Variants in GATB observed in about 807,000 individuals in gnomAD.
The protein encoded by GATB is glutamyl-tRNA(Gln) amidotransferase subunit B, mitochondrial.
Under a neutral mutation model 62.3 loss-of-function variants are expected in GATB, and 39 were observed. That is an observed-to-expected ratio of 0.63 (90% CI 0.48 to 0.82). The LOEUF (loss-of-function observed/expected upper bound fraction) is 0.82, where lower values mean the gene tolerates loss of function less well. GATB is among the 40% of genes least tolerant of loss of function. The pLI is 0.00. For missense variants in GATB, 670 were observed against 684.0 expected (o/e 0.98, Z 0.23); for synonymous variants, 276 against 258.9 (o/e 1.07, Z -0.63).
chr4:151,724,635 C>A (rs972613516), intron 2 of GATB, among the ~76,000 whole-genome samples: 2 of 152,044 alleles, frequency 1.3e-5, no homozygotes, highest in African/African-American at 4.8e-5. Context: ...GCTGCTTCTG[C>A]TGGGAATGCC....
At chr4:151,705,834 C>CT (rs907043718) in intron 6 of GATB, among the ~76,000 whole-genome samples, 6 of 151,440 alleles carry the variant, frequency 4.0e-5, no homozygotes, top group East Asian at 1.9e-4. Context: ...GCTGTTGCTG[C>CT]TTTTTTTTTC....
At chr4:151,682,323 C>T (rs6838966) in intron 10 of GATB, among the ~76,000 whole-genome samples, 90,743 of 151,966 alleles carry the variant, frequency 0.6, 29,634 homozygotes, top group African/African-American at 0.88. Context: ...TTGAGTCAGA[C>T]GATGACAAAG....
At chr4:151,716,251 T>A in intron 4 of GATB, 120 bp from the exon 5 acceptor site, 6 of 858,894 alleles carry the variant, frequency 7.0e-6, no homozygotes, top group Non-Finnish European at 9.9e-6. Context: ...GGTTCTAGCC[T>A]CTCAATCATT....
At chr4:151,683,926 C>T (rs1738195282) in intron 10 of GATB, among the ~76,000 whole-genome samples, 1 of 152,212 alleles carries the variant, frequency 6.6e-6, no homozygotes, top group African/African-American at 2.4e-5. Flanking sequence ...CTTTATTCAT[C>T]ACCTACTCCC....
intron 1 of GATB, 93 bp from the exon 2 acceptor site, chr4:151,759,015 TG>T: frequency 2.3e-6 from 2 of 871,808 alleles, no homozygotes; most frequent in Non-Finnish European, 3.4e-6. Context: ...ATTTCCTATA[TG>T]TGTTTTAAAC....
chr4:151,735,736 G>GTATATATATATATA (rs137893198), intron 2 of GATB, among the ~76,000 whole-genome samples: 2 of 104,064 alleles, frequency 1.9e-5, no homozygotes, highest in African/African-American at 8.6e-5. Flanking sequence ...AAACTGTGGT[G>GTATATATATATATA]TATATATATA....
Position 151,696,164 on chromosome 4 carries a change from A to G in GATB, c.1197+5165T>C, listed in dbSNP as rs115229204. ...TAAATAAAGCTGCAGAGGACGGCTT[A>G]TATTACTTTTCTTCTAACTTTATTT... On this transcript the variant is annotated intron_variant, in intron 9 of 12. Transcript: ENST00000263985. Among the ~76,000 whole-genome samples the G allele has an allele frequency of 9.3e-3, 1,413 of 152,284 alleles. 11 individuals are homozygous for G. Among genetic ancestry groups the G allele is most frequent in the Non-Finnish European group, 0.013 (900 of 68,016 alleles).
intron 1 of GATB, among the ~76,000 whole-genome samples, chr4:151,759,766 T>C (rs1195669409): frequency 6.6e-6 from 1 of 152,088 alleles, no homozygotes; most frequent in Non-Finnish European, 1.5e-5. Flanking sequence ...ATCCTGCTCT[T>C]CTCCCAAGTA....
intron 2 of GATB, among the ~76,000 whole-genome samples, chr4:151,726,743 G>A (rs554540879): frequency 6.6e-6 from 1 of 152,220 alleles, no homozygotes; most frequent in African/African-American, 2.4e-5. Flanking sequence ...TTCCCCAGGG[G>A]TGGTCAGGAG....
At position 151,729,692 on chromosome 4, in the gene GATB, A is replaced by C. The variant is rs535061261; in HGVS notation, c.328-10154T>G. Among the ~76,000 whole-genome samples the C allele has an allele frequency of 6.6e-5, 10 of 152,298 alleles. No homozygotes were observed. The South Asian group carries it at 1.9e-3, about 28-fold the overall frequency. ...TTCTTTCAACTTTTCTGTAAGTTTTAATTTTTTCAAAACAAAAAATGTTGA... is the reference window on the plus strand; with the variant it reads ...TTCTTTCAACTTTTCTGTAAGTTTTCATTTTTTCAAAACAAAAAATGTTGA... On this transcript the variant is annotated intron_variant, in intron 2 of 12. Coordinates refer to ENST00000263985, the MANE Select transcript of GATB (RefSeq NM_004564.3).
intron 9 of GATB, among the ~76,000 whole-genome samples, chr4:151,690,066 C>T (rs1317066391): frequency 6.6e-6 from 1 of 152,178 alleles, no homozygotes; most frequent in Non-Finnish European, 1.5e-5. Context: ...CACACTGCAC[C>T]TAAGGCTTCT....
chr4:151,695,095 A>C (rs1295746303), intron 9 of GATB, among the ~76,000 whole-genome samples: 1 of 152,220 alleles, frequency 6.6e-6, no homozygotes, highest in East Asian at 1.9e-4. Flanking sequence ...AGGGCTCGCA[A>C]GTACATCTTC....
chr4:151,672,719 C>T (rs774045871), intron 12 of GATB, 43 bp downstream of exon 12: 17 of 1,602,272 alleles, frequency 1.1e-5, no homozygotes, highest in African/African-American at 2.7e-5. Context: ...TTGGGCATGT[C>T]CTGGGGCTGG....
chr4:151,717,873 T>G (rs899869758), intron 3 of GATB, among the ~76,000 whole-genome samples: 2 of 152,222 alleles, frequency 1.3e-5, no homozygotes. Context: ...TCTCACTGTG[T>G]TCCCTCAGTT....
At chr4:151,697,945 G>GTGTGTATATATATATATATA (rs1433481818) in intron 9 of GATB, among the ~76,000 whole-genome samples, 1,272 of 74,594 alleles carry the variant, frequency 0.017, 38 homozygotes, top group South Asian at 0.082. Flanking sequence ...ATATGTGTGT[G>GTGTGTATATATATATATATA]TGTGTGTGTA....
intron 5 of GATB, among the ~76,000 whole-genome samples, chr4:151,709,768 C>T (rs1354066602): frequency 2.0e-5 from 2 of 98,230 alleles, no homozygotes; most frequent in Non-Finnish European, 3.9e-5. Flanking sequence ...CTGTAACTTT[C>T]ATCCTGCTAT....
At chr4:151,672,703 A>G in intron 12 of GATB, 59 bp downstream of exon 12, 2 of 1,565,884 alleles carry the variant, frequency 1.3e-6, no homozygotes, top group South Asian at 2.4e-5. Context: ...AGCGATGGCG[A>G]GGCTCTTGGG....
intron 5 of GATB, among the ~76,000 whole-genome samples, chr4:151,710,227 C>T (rs1478550266): frequency 6.6e-6 from 1 of 152,204 alleles, no homozygotes; most frequent in Non-Finnish European, 1.5e-5. Flanking sequence ...GATTTTAACT[C>T]CCACTTGCCT....
At chr4:151,722,923 C>A (rs1224527539) in intron 2 of GATB, 3 of 152,198 alleles carry the variant, frequency 2.0e-5, no homozygotes, top group Admixed American at 6.5e-5. Context: ...TGCTGGCCTG[C>A]AAACTTGTTT....
Sources: gnomAD v4.1 joint callset for allele counts (sites outside exome capture counted in the v4.1 genomes callset) on GRCh38, gnomAD v4.1.1 for gene constraint, MANE v1.5 for transcripts, NCBI Gene and HGNC (gene_info 2026-07-23, HGNC 2026-07-21) for gene names.